Variants in PPP1R9A observed in about 807,000 individuals in gnomAD.
The protein encoded by PPP1R9A is neurabin-1.
In PPP1R9A, 59 loss-of-function variants were observed where a neutral mutation model predicts 141.9. That is an observed-to-expected ratio of 0.42 (90% CI 0.34 to 0.52). The LOEUF is 0.52. Ranked by LOEUF, PPP1R9A falls within the 20% of genes least tolerant of loss-of-function variation. The pLI is 0.10. For missense variants in PPP1R9A, 1,444 were observed against 1,611.9 expected (o/e 0.90, Z 1.78); for synonymous variants, 500 against 569.7 (o/e 0.88, Z 1.74).
chr7:95,116,368 G>A, intron 3 of PPP1R9A, among the ~76,000 whole-genome samples: 1 of 151,992 alleles, frequency 6.6e-6, no homozygotes, highest in East Asian at 1.9e-4. Context: ...ATTAGATTTG[G>A]TAAAATAATT....
At chr7:95,033,188 T>G (rs768896359) in intron 2 of PPP1R9A, among the ~76,000 whole-genome samples, 5,438 of 146,828 alleles carry the variant, frequency 0.037, 169 homozygotes, top group Middle Eastern at 0.1. Context: ...TTTTTTTTTT[T>G]TTTTTTTAGT....
chr7:94,944,272 C>T (rs946543464), intron 2 of PPP1R9A, among the ~76,000 whole-genome samples: 13 of 151,886 alleles, frequency 8.6e-5, no homozygotes, highest in Non-Finnish European at 1.3e-4. Context: ...CCTGCCTTCC[C>T]TGCCCTTCTA....
intron 18 of PPP1R9A, 76 bp downstream of exon 18, chr7:95,286,401 T>C: frequency 1.3e-6 from 2 of 1,574,926 alleles, no homozygotes; most frequent in Non-Finnish European, 1.7e-6. Context: ...CAGGAAAATG[T>C]TTTTAGGGTA....
At chr7:95,261,074 G>A (rs1233023678) in intron 12 of PPP1R9A, among the ~76,000 whole-genome samples, 1 of 152,126 alleles carries the variant, frequency 6.6e-6, no homozygotes, top group East Asian at 1.9e-4. Flanking sequence ...CAGGGTAGAG[G>A]GATCTAAAAG....
chr7:95,197,297 A>G (rs1179735789), intron 5 of PPP1R9A, among the ~76,000 whole-genome samples: 4 of 152,340 alleles, frequency 2.6e-5, no homozygotes, highest in African/African-American at 9.6e-5. Flanking sequence ...ACAGAAACAT[A>G]TTAGTGTGAA....
At chr7:95,277,309 G>A (rs779528210) in intron 16 of PPP1R9A, among the ~76,000 whole-genome samples, 10 of 152,008 alleles carry the variant, frequency 6.6e-5, no homozygotes, top group South Asian at 4.2e-4. Flanking sequence ...ATACATGCGC[G>A]ACATGAGACA....
intron 2 of PPP1R9A, among the ~76,000 whole-genome samples, chr7:94,928,085 G>A (rs1181887905): frequency 1.3e-5 from 2 of 152,126 alleles, no homozygotes; most frequent in African/African-American, 4.8e-5. Context: ...CAGGAGGAGA[G>A]GAATCATTAG....
intron 2 of PPP1R9A, 98 bp downstream of exon 2, chr7:94,911,606 A>G: frequency 2.2e-6 from 2 of 911,884 alleles, no homozygotes; most frequent in Non-Finnish European, 3.2e-6. Flanking sequence ...GAGTTTTTGT[A>G]AGGGATTCAA....
At chr7:95,204,643 GCACA>G (rs1240635366) in intron 7 of PPP1R9A, among the ~76,000 whole-genome samples, 1 of 85,776 alleles carries the variant, frequency 1.2e-5, no homozygotes, top group Non-Finnish European at 2.4e-5. Context: ...ACATACCCAT[GCACA>G]CACACCACAC....
chr7:95,029,106 C>G (rs1435036448), intron 2 of PPP1R9A, among the ~76,000 whole-genome samples: 1 of 152,102 alleles, frequency 6.6e-6, no homozygotes, highest in Non-Finnish European at 1.5e-5. Context: ...AGACTATATC[C>G]TAGACACTGT....
chr7:95,178,284 A>G (rs1270599762), intron 5 of PPP1R9A, among the ~76,000 whole-genome samples: 1 of 152,132 alleles, frequency 6.6e-6, no homozygotes, highest in Non-Finnish European at 1.5e-5. Context: ...CTGAATGATC[A>G]TTGGGTCAAA....
At chr7:95,061,253 A>G (rs373753981) in intron 2 of PPP1R9A, among the ~76,000 whole-genome samples, 1 of 152,306 alleles carries the variant, frequency 6.6e-6, no homozygotes, top group East Asian at 1.9e-4. Context: ...GAAGTTCTCT[A>G]TGGAAATCTA....
intron 12 of PPP1R9A, among the ~76,000 whole-genome samples, chr7:95,262,153 A>G (rs540238953): frequency 6.6e-6 from 1 of 152,338 alleles, no homozygotes; most frequent in South Asian, 2.1e-4. Flanking sequence ...GTGAAAACAC[A>G]GAATCTTGCT....
At chr7:95,116,756 A>G (rs908386501) in intron 3 of PPP1R9A, among the ~76,000 whole-genome samples, 10 of 152,200 alleles carry the variant, frequency 6.6e-5, no homozygotes, top group Admixed American at 2.0e-4. Context: ...TAATTTTCCA[A>G]ATATCTAAAT....
intron 16 of PPP1R9A, among the ~76,000 whole-genome samples, chr7:95,283,088 A>G (rs539907137): frequency 3.3e-5 from 5 of 152,288 alleles, no homozygotes; most frequent in African/African-American, 9.6e-5. Flanking sequence ...GCATTCCATC[A>G]AACGGCAAGG....
At chr7:95,195,835 G>A (rs1355429451) in intron 5 of PPP1R9A, among the ~76,000 whole-genome samples, 2 of 152,076 alleles carry the variant, frequency 1.3e-5, no homozygotes, top group Non-Finnish European at 2.9e-5. Context: ...AGGATCACTT[G>A]AGGCCAAGAG....
intron 12 of PPP1R9A, among the ~76,000 whole-genome samples, chr7:95,254,605 AGT>A (rs2153015140): frequency 6.6e-6 from 1 of 152,260 alleles, no homozygotes; most frequent in Admixed American, 6.5e-5. Flanking sequence ...TGGTAGGATG[AGT>A]GGTTTAGCAT....
At chr7:95,176,718 CA>C (rs1330971183) in intron 5 of PPP1R9A, among the ~76,000 whole-genome samples, 1 of 151,834 alleles carries the variant, frequency 6.6e-6, no homozygotes, top group Admixed American at 6.6e-5. Flanking sequence ...TATAGAAATG[CA>C]AAATGCTCTG....
chr7:95,035,270 T>A (rs890053498), intron 2 of PPP1R9A, among the ~76,000 whole-genome samples: 9 of 152,152 alleles, frequency 5.9e-5, no homozygotes, highest in African/African-American at 2.4e-5. Flanking sequence ...ATTTTTCCTA[T>A]AGTAAAGAGA....
Sources: gnomAD v4.1 joint callset for allele counts (sites outside exome capture counted in the v4.1 genomes callset) on GRCh38, gnomAD v4.1.1 for gene constraint, MANE v1.5 for transcripts, NCBI Gene and HGNC (gene_info 2026-07-23, HGNC 2026-07-21) for gene names.